IGDCC4: variants seen among roughly 807,000 people sequenced by gnomAD.
IGDCC4 encodes immunoglobulin superfamily DCC subclass member 4.
In IGDCC4, 72 loss-of-function variants were observed where a neutral mutation model predicts 116.6. The ratio of observed to expected loss-of-function variants is 0.62; its 90% CI spans 0.51 to 0.75. The LOEUF (loss-of-function observed/expected upper bound fraction) is 0.75, where lower values mean the gene tolerates loss of function less well. Ranked by LOEUF, IGDCC4 falls within the 30% of genes least tolerant of loss-of-function variation. The pLI, the probability that IGDCC4 is intolerant of heterozygous loss-of-function variation, is 0.00. For missense variants in IGDCC4, 1,501 were observed against 1,662.4 expected, an observed-to-expected ratio of 0.90 and a Z score of 1.69; for synonymous variants, 709 against 719.9, an observed-to-expected ratio of 0.98 and a Z score of 0.24.
At chr15:65,389,260 G>A (rs776677123) in intron 14 of IGDCC4, 24 bp downstream of exon 14, 1 of 1,606,810 alleles carries the variant, frequency 6.2e-7, no homozygotes. Context: ...ATGGGTTGGT[G>A]GCAAGGGGCT....
rs890184626 is a variant in IGDCC4 at position 65,382,609 on chromosome 15, C to G, written c.*1400G>C. On this transcript the variant is annotated 3_prime_UTR_variant, in exon 20 of 20. Coordinates refer to ENST00000352385, the MANE Select transcript of IGDCC4 (RefSeq NM_020962.3). ...CAGAAAATAGAAGTCAAGCTTGTCC[C>G]TGTGCGGCAGGTGAACAGAAAATGA... 1.3e-5 allele frequency: 2 copies of G among 152,528 alleles called. No individual in the cohort carries two copies. Among genetic ancestry groups the G allele is most frequent in the African/African-American group, 4.8e-5 (2 of 41,408 alleles). The allele number at this position is 152,528 out of a possible 1,614,324, so 9.4% of individuals were successfully genotyped here.
intron 3 of IGDCC4, among the ~76,000 whole-genome samples, chr15:65,406,319 G>A (rs946770824): frequency 1.3e-5 from 2 of 152,216 alleles, no homozygotes; most frequent in Non-Finnish European, 2.9e-5. Flanking sequence ...AAATTATGAA[G>A]TGGTTGTGTA....
chr15:65,400,832 G>A lies in IGDCC4; in HGVS notation c.815C>T (p.Thr272Ile), dbSNP rs2062977599. The A allele has an allele frequency of 6.2e-6, 10 of 1,611,724 alleles. No individual in the cohort carries two copies. The East Asian group carries it at 8.9e-5, about 14-fold the overall frequency. Residue 272 changes from threonine (T) to isoleucine (I), a missense_variant, in exon 5 of 20, where the codon ACC (threonine) becomes ATC (isoleucine). Physicochemically the swap from Thr to Ile is moderately conservative, Grantham distance 89. This residue lies in a region of IGDCC4 where 898 missense variants were observed against 978.9 expected (regional missense o/e 0.92). Transcript: ENST00000352385. Reference protein sequence around the residue: ...VMECVASADPTPFVSWVRQDG... With the variant: ...VMECVASADPIPFVSWVRQDG... The stretch of plus-strand genomic sequence containing the variant: ...TTGTCGGACCCAGGACACAAAAGGG[G>A]TGGGGTCAGCTGAGGCCACACATTC...
At position 65,386,651 on chromosome 15, in the gene IGDCC4, G is replaced by T. The variant is rs770463727; in HGVS notation, c.2851C>A (p.Leu951Met). The T allele has an allele frequency of 6.2e-7, 1 of 1,610,470 alleles. No homozygotes were observed. The highest frequency in any genetic ancestry group is 2.2e-5 in the East Asian group (1 of 44,802). ...ATGCCCGTGACTGAGTGCATGTCCA[G>T]CGAGTCTGGTGGGGGAGAGAGAGGC... ...ITLQEKLSDS[L>M]DMHSVTGIIV... The change falls in exon 17 of 20, where the codon CTG (leucine) becomes ATG (methionine). Residue 951 changes from leucine (L) to methionine (M), a missense_variant. Around this residue, in one of 3 missense-constraint regions of IGDCC4, gnomAD observed 235 missense variants for 328.0 expected, o/e 0.72. Transcript: ENST00000352385.
At chr15:65,391,747 G>T in intron 12 of IGDCC4, 133 bp downstream of exon 12, 1 of 736,484 alleles carries the variant, frequency 1.4e-6, no homozygotes, top group Non-Finnish European at 2.3e-6. Context: ...CTGATCCTAG[G>T]AGAATGGGTT....
Position 65,385,952 on chromosome 15 carries a change from G to C in IGDCC4, c.3059C>G (p.Ser1020Cys). Residue 1020 changes from serine (S) to cysteine (C), a missense_variant, in exon 18 of 20, where the codon TCC becomes TGC. Physicochemically the swap from Ser to Cys is moderately radical, Grantham distance 112. Coordinates refer to ENST00000352385, the MANE Select transcript of IGDCC4 (RefSeq NM_020962.3). ...PSPPAAHELE[S>C]LVHPHPQDWS... Reference sequence around the variant, plus strand: ...GTCCTGGGGATGGGGGTGCACAAGGGACTCCAATTCATGGGCAGCTGGGGG... The same window carrying C: ...GTCCTGGGGATGGGGGTGCACAAGGCACTCCAATTCATGGGCAGCTGGGGG... The C allele has an allele frequency of 1.2e-6, 2 of 1,602,708 alleles. No individual in the cohort carries two copies. The highest frequency in any genetic ancestry group is 1.7e-6 in the Non-Finnish European group (2 of 1,174,166).
chr15:65,410,077 G>A (rs2063075395), intron 3 of IGDCC4, 101 bp downstream of exon 3: 7 of 1,389,426 alleles, frequency 5.0e-6, no homozygotes, highest in Non-Finnish European at 7.0e-6. Context: ...GTCAGCTTAG[G>A]TAAATGCAGC....
At chr15:65,410,869 G>A in intron 2 of IGDCC4, 151 bp downstream of exon 2, 1 of 621,552 alleles carries the variant, frequency 1.6e-6, no homozygotes, top group Non-Finnish European at 2.8e-6. Flanking sequence ...GACAATACCA[G>A]GAAGAGACCT....
At chr15:65,406,403 G>A (rs746362053) in intron 3 of IGDCC4, among the ~76,000 whole-genome samples, 38 of 152,300 alleles carry the variant, frequency 2.5e-4, no homozygotes, top group Non-Finnish European at 4.9e-4. Context: ...TGCTCTCATT[G>A]ATTACTAGTT....
In IGDCC4 at chr15:65,385,933, G is replaced by C. The variant is rs760413636; in HGVS notation, c.3078C>G (p.Pro1026=). 1.2e-6 allele frequency: 2 copies of C among 1,611,614 alleles called. No homozygotes were observed. The highest frequency in any genetic ancestry group is 1.1e-5 in the South Asian group (1 of 90,964). ...HELESLVHPH[P]QDWSPPPSDV... Reference sequence around the variant, plus strand: ...CTGAGGGTGGCGGGGACCAGTCCTGGGGATGGGGGTGCACAAGGGACTCCA... The same window carrying C: ...CTGAGGGTGGCGGGGACCAGTCCTGCGGATGGGGGTGCACAAGGGACTCCA... Residue 1026 remains proline, a synonymous_variant, in exon 18 of 20, where the codon CCC becomes CCG. Transcript: ENST00000352385.
At chr15:65,414,096 G>C (rs1440159621) in intron 1 of IGDCC4, among the ~76,000 whole-genome samples, 3 of 152,208 alleles carry the variant, frequency 2.0e-5, no homozygotes, top group Non-Finnish European at 4.4e-5. Context: ...GGACACACAG[G>C]TCAACATTTA....
At chr15:65,404,694 A>G (rs1269363395) in intron 3 of IGDCC4, among the ~76,000 whole-genome samples, 1 of 152,178 alleles carries the variant, frequency 6.6e-6, no homozygotes, top group East Asian at 1.9e-4. Flanking sequence ...TGAATGAACA[A>G]ATTAATGAAT....
intron 1 of IGDCC4, among the ~76,000 whole-genome samples, chr15:65,420,888 G>A (rs984644892): frequency 1.3e-5 from 2 of 152,166 alleles, no homozygotes; most frequent in Admixed American, 6.5e-5. Context: ...CAGGGGACTT[G>A]TCAGTTTCCC....
chr15:65,420,028 C>A (rs1178739938), intron 1 of IGDCC4, among the ~76,000 whole-genome samples: 2 of 150,912 alleles, frequency 1.3e-5, no homozygotes, highest in Non-Finnish European at 2.9e-5. Flanking sequence ...CTCACTGCAA[C>A]CTTCACCTCC....
At position 65,393,344 on chromosome 15, in the gene IGDCC4, C is replaced by T; in HGVS notation, c.1885+17G>A. The stretch of plus-strand genomic sequence containing the variant: ...CAGTCACACACACACTGTCCTGTCT[C>T]TCCTCTAACCCCGTACCATGGCTCT... On this transcript the variant is annotated intron_variant, in intron 10 of 19. Transcript: ENST00000352385. The surrounding 1 kb of genome is among the most constrained non-coding windows in gnomAD (Gnocchi z 4.6). 6.3e-7 allele frequency: 1 copy of T among 1,597,212 alleles called. No individual in the cohort carries two copies. Among genetic ancestry groups the T allele is most frequent in the Non-Finnish European group, 8.5e-7 (1 of 1,170,008 alleles).
intron 4 of IGDCC4, among the ~76,000 whole-genome samples, chr15:65,401,738 C>T (rs923050926): frequency 1.6e-4 from 25 of 152,144 alleles, no homozygotes; most frequent in South Asian, 1.2e-3. Flanking sequence ...AAGGACTCTT[C>T]GAGCCTCTCT....
chr15:65,382,451 A>T lies in IGDCC4; in HGVS notation c.*1558T>A, dbSNP rs573178952. 6.6e-6 allele frequency: 1 copy of T among 152,418 alleles called. No homozygotes were observed. The highest frequency in any genetic ancestry group is 1.5e-5 in the Non-Finnish European group (1 of 67,976). 9.4% of individuals were successfully genotyped at this position (152,418 alleles called of 1,614,324 possible). On this transcript the variant is annotated 3_prime_UTR_variant, in exon 20 of 20. Transcript: ENST00000352385. The stretch of plus-strand genomic sequence containing the variant: ...AGGAAAAATGGACTGGTTATTTCGA[A>T]TTTGGCCCAGAAGGCAGAGTTAACT...
At chr15:65,419,635 G>T (rs2063172642) in intron 1 of IGDCC4, among the ~76,000 whole-genome samples, 1 of 152,146 alleles carries the variant, frequency 6.6e-6, no homozygotes. Context: ...ATTGGCCTCT[G>T]AGCCTCTGGG....
intron 18 of IGDCC4, 51 bp from the exon 19 acceptor site, chr15:65,385,166 G>A (rs971119780): frequency 6.6e-7 from 1 of 1,507,944 alleles, no homozygotes; most frequent in Non-Finnish European, 8.8e-7. Context: ...GGATTGGCTG[G>A]GAGAGGGAAG....
Sources: gnomAD v4.1 joint callset for allele counts (sites outside exome capture counted in the v4.1 genomes callset) on GRCh38, gnomAD v4.1.1 for gene constraint, gnomAD v4.1.1 regional missense constraint, Gnocchi (gnomAD v3.1) non-coding constraint, MANE v1.5 for transcripts, NCBI Gene and HGNC (gene_info 2026-07-23, HGNC 2026-07-21) for gene names.